C11orf65: variants seen among roughly 807,000 people sequenced by gnomAD.
C11orf65 encodes the protein chromosome 11 open reading frame 65.
C11orf65 carries 38 observed loss-of-function variants against 35.3 expected under a neutral mutation model. That is an observed-to-expected ratio of 1.08 (90% confidence interval 0.83 to 1.41). The LOEUF is 1.41. Ranked by LOEUF, C11orf65 falls within the 40% of genes most tolerant of loss-of-function variation. The probability of loss-of-function intolerance (pLI) is 0.00; values close to 1 mark genes in which losing one functional copy is unlikely to be tolerated. For missense variants in C11orf65, 370 were observed against 367.1 expected, an observed-to-expected ratio of 1.01 and a Z score of -0.06; for synonymous variants, 105 against 114.4, an observed-to-expected ratio of 0.92 and a Z score of 0.53.
intron 3 of C11orf65, among the ~76,000 whole-genome samples, chr11:108,430,745 T>C (rs1357298832): frequency 6.6e-6 from 1 of 151,920 alleles, no homozygotes; most frequent in Non-Finnish European, 1.5e-5. Context: ...TTCATGGGGC[T>C]GAAGCAGGAG....
At chr11:108,373,002 C>T (rs1305827169) in intron 2 of C11orf65, among the ~76,000 whole-genome samples, 1 of 152,016 alleles carries the variant, frequency 6.6e-6, no homozygotes, top group Non-Finnish European at 1.5e-5. Context: ...ATCACTTGAA[C>T]CCAAGAGGCA....
At chr11:108,386,010 T>A in intron 7 of C11orf65, 35 bp from the exon 8 acceptor site, 1 of 1,557,914 alleles carries the variant, frequency 6.4e-7, no homozygotes, top group Non-Finnish European at 8.8e-7. Flanking sequence ...TTAAATTTAA[T>A]CGATTCATTA....
intron 2 of C11orf65, among the ~76,000 whole-genome samples, chr11:108,361,475 A>G (rs2090745600): frequency 6.6e-6 from 1 of 152,014 alleles, no homozygotes; most frequent in South Asian, 2.1e-4. Context: ...ACCAAAAAAG[A>G]GCCCGCATCG....
chr11:108,375,795 A>G (rs1224198771), intron 2 of C11orf65, among the ~76,000 whole-genome samples: 19 of 152,198 alleles, frequency 1.2e-4, no homozygotes, highest in Middle Eastern at 3.4e-3. Context: ...AGGAAGATCT[A>G]CCAAGCAAAT....
chr11:108,319,928 A>AT lies in C11orf65; in HGVS notation c.641-10858dup, dbSNP rs1565508524. 1 of 1,521,532 alleles carries AT rather than the reference A, an allele frequency of 6.6e-7. No homozygotes were observed. Among genetic ancestry groups the AT allele is most frequent in the South Asian group, 1.1e-5 (1 of 89,070 alleles). The allele number at this position is 1,521,532 out of a possible 1,614,324, so 94.3% of individuals were successfully genotyped here. On this transcript the variant is annotated intron_variant, in intron 6 of 6. Coordinates refer to the C11orf65 transcript ENST00000525729. ...ATCTTAGGGTTCTGTTTTTAAGTAT[A>AT]TTTTTTTCTTTGACTTATCTCACAG...
intron 6 of C11orf65, among the ~76,000 whole-genome samples, chr11:108,316,647 C>T (rs1030996193): frequency 2.0e-4 from 31 of 151,328 alleles, no homozygotes; most frequent in Admixed American, 4.6e-4. Flanking sequence ...TGGTGGCTTG[C>T]GCCTGTAATC....
intron 2 of C11orf65, among the ~76,000 whole-genome samples, chr11:108,358,070 C>A (rs1224712661): frequency 6.7e-6 from 1 of 148,434 alleles, no homozygotes; most frequent in Non-Finnish European, 1.5e-5. Flanking sequence ...GAATGTATAA[C>A]TAGAATAACC....
chr11:108,424,032 G>A (rs1272400618), intron 3 of C11orf65, among the ~76,000 whole-genome samples: 1 of 152,166 alleles, frequency 6.6e-6, no homozygotes, highest in Non-Finnish European at 1.5e-5. Context: ...TTGCCAGCAA[G>A]GGAACTAAAC....
At chr11:108,328,899 T>TAA, downstream of C11orf65, 1 of 1,107,714 alleles carries the variant, frequency 9.0e-7, no homozygotes, top group Non-Finnish European at 1.3e-6. Context: ...ATAGTTCATA[T>TAA]AATTTAGCTA....
intron 2 of C11orf65, among the ~76,000 whole-genome samples, chr11:108,455,815 CAAAAAAAAAAAAA>C (rs112701513): frequency 1.2e-4 from 7 of 56,154 alleles, no homozygotes; most frequent in Non-Finnish European, 2.3e-4. Context: ...GACTCCACCT[CAAAAAAAAAAAAA>C]AAAAAAAAAA....
intron 8 of C11orf65, among the ~76,000 whole-genome samples, chr11:108,383,744 T>C (rs1204498894): frequency 6.6e-6 from 1 of 152,218 alleles, no homozygotes; most frequent in Admixed American, 6.5e-5. Flanking sequence ...CTTCACTGGC[T>C]TCAGTTATGC....
Position 108,444,821 on chromosome 11 carries a change from C to G in C11orf65, c.82-12983G>C, listed in dbSNP as rs573121478. Among the ~76,000 whole-genome samples the G allele has an allele frequency of 3.3e-5, 5 of 152,276 alleles. No homozygotes were observed. The South Asian group carries it at 1.0e-3, about 32-fold the overall frequency. Reference sequence around the variant, plus strand: ...AGGGCAAGGCATTGCCTCACTCCGGCAGCGCAAGGGGTCAGGGAGTTCCCT... The same window carrying G: ...AGGGCAAGGCATTGCCTCACTCCGGGAGCGCAAGGGGTCAGGGAGTTCCCT... On this transcript the variant is annotated intron_variant, in intron 2 of 8. Coordinates refer to ENST00000393084, the MANE Select transcript of C11orf65 (RefSeq NM_152587.5).
At chr11:108,356,095 A>C (rs534931133) in intron 2 of C11orf65, 1 of 152,214 alleles carries the variant, frequency 6.6e-6, no homozygotes, top group African/African-American at 2.4e-5. Flanking sequence ...CATTTGTTAC[A>C]GTTTGCCATT....
chr11:108,397,603 A>G (rs914780206), intron 6 of C11orf65, among the ~76,000 whole-genome samples: 2 of 152,186 alleles, frequency 1.3e-5, no homozygotes, highest in African/African-American at 4.8e-5. Context: ...TCTTTTAGTA[A>G]GATAGGGGTA....
At chr11:108,415,243 T>C (rs2138800735) in intron 3 of C11orf65, among the ~76,000 whole-genome samples, 1 of 152,284 alleles carries the variant, frequency 6.6e-6, no homozygotes, top group South Asian at 2.1e-4. Context: ...GACATGATTG[T>C]CTATGTTAAA....
At chr11:108,421,798 G>A (rs931337553) in intron 3 of C11orf65, among the ~76,000 whole-genome samples, 1 of 152,238 alleles carries the variant, frequency 6.6e-6, no homozygotes, top group East Asian at 1.9e-4. Flanking sequence ...GGAGAACAAG[G>A]CATGTTTGAT....
chr11:108,424,076 G>C (rs1181990392), intron 3 of C11orf65, among the ~76,000 whole-genome samples: 2 of 152,216 alleles, frequency 1.3e-5, no homozygotes, highest in African/African-American at 4.8e-5. Context: ...ATTGACAGAA[G>C]TAGGCTTTAG....
intron 6 of C11orf65, among the ~76,000 whole-genome samples, chr11:108,312,135 A>ATCTGC (rs2084216737): frequency 6.6e-6 from 1 of 152,214 alleles, no homozygotes; most frequent in Admixed American, 6.5e-5. Flanking sequence ...ATTGGATGGC[A>ATCTGC]TCTGCTCTAT....
intron 6 of C11orf65, among the ~76,000 whole-genome samples, chr11:108,403,762 T>C (rs2092486080): frequency 6.6e-6 from 1 of 152,252 alleles, no homozygotes; most frequent in South Asian, 2.1e-4. Context: ...TTTTTCCCAA[T>C]TAAGTTCCCT....
Sources: gnomAD v4.1 joint callset for allele counts (sites outside exome capture counted in the v4.1 genomes callset) on GRCh38, gnomAD v4.1.1 for gene constraint, MANE v1.5 for transcripts, NCBI Gene and HGNC (gene_info 2026-07-23, HGNC 2026-07-21) for gene names.